The following CTNNA2 variants were observed in gnomAD, a reference collection of about 807,000 sequenced individuals.
CTNNA2 encodes catenin alpha-2.
In CTNNA2, 42 loss-of-function variants were observed where a neutral mutation model predicts 101.0. That is an observed-to-expected ratio of 0.42 (90% CI 0.32 to 0.54). The LOEUF (loss-of-function observed/expected upper bound fraction) is 0.54. CTNNA2 is among the 20% of genes least tolerant of loss of function. The pLI is 0.14. For missense variants in CTNNA2, 871 were observed against 1,223.1 expected (o/e 0.71, Z 4.29); for synonymous variants, 450 against 456.4 (o/e 0.99, Z 0.18).
At chr2:80,628,209 A>G (rs1158386794) in intron 18 of CTNNA2, among the ~76,000 whole-genome samples, 6 of 152,220 alleles carry the variant, frequency 3.9e-5, no homozygotes, top group East Asian at 3.9e-4. Context: ...TGTAGATTCA[A>G]TGCTATCCCC....
chr2:79,554,230 CT>C (rs553473903), intron 1 of CTNNA2, among the ~76,000 whole-genome samples: 32 of 151,808 alleles, frequency 2.1e-4, no homozygotes, highest in Non-Finnish European at 3.8e-4. Context: ...AAACACAAAT[CT>C]GTATTTGAAA....
At chr2:80,503,180 A>T (rs1209467170) in intron 9 of CTNNA2, among the ~76,000 whole-genome samples, 1 of 152,188 alleles carries the variant, frequency 6.6e-6, no homozygotes, top group Non-Finnish European at 1.5e-5. Context: ...TCAAAAAAAA[A>T]ACCATAAATA....
chr2:80,320,873 T>G (rs747775000), intron 7 of CTNNA2, among the ~76,000 whole-genome samples: 2 of 152,218 alleles, frequency 1.3e-5, no homozygotes, highest in African/African-American at 4.8e-5. Flanking sequence ...ATTTCTCAAT[T>G]TTTTTAAAGT....
intron 1 of CTNNA2, among the ~76,000 whole-genome samples, chr2:79,614,822 C>T (rs1177686592): frequency 1.3e-5 from 2 of 152,068 alleles, no homozygotes; most frequent in African/African-American, 4.8e-5. Context: ...TGATTATTAC[C>T]AGTTTAGAAA....
At chr2:80,527,473 A>G (rs190041238) in intron 9 of CTNNA2, among the ~76,000 whole-genome samples, 95 of 152,276 alleles carry the variant, frequency 6.2e-4, no homozygotes, top group Non-Finnish European at 1.3e-3. Context: ...TTCCCAGGTG[A>G]TGCTGATGCT....
chr2:79,828,021 T>A (rs1490015506), intron 3 of CTNNA2, among the ~76,000 whole-genome samples: 1 of 152,236 alleles, frequency 6.6e-6, no homozygotes, highest in African/African-American at 2.4e-5. Context: ...TCTTTGTTGA[T>A]CTTTTCCTTA....
chr2:79,934,907 G>A (rs754768691), intron 7 of CTNNA2, among the ~76,000 whole-genome samples: 2 of 152,214 alleles, frequency 1.3e-5, no homozygotes, highest in Non-Finnish European at 2.9e-5. Context: ...GTTTGAATGA[G>A]TTTGCTAAGA....
chr2:79,584,621 T>G (rs1304497256), intron 1 of CTNNA2, among the ~76,000 whole-genome samples: 1 of 151,744 alleles, frequency 6.6e-6, no homozygotes, highest in African/African-American at 2.4e-5. Flanking sequence ...GCCTCCTAGG[T>G]TCAAGAGATT....
At chr2:79,411,956 G>A (rs992814726) in intron 4 of CTNNA2, among the ~76,000 whole-genome samples, 3 of 151,998 alleles carry the variant, frequency 2.0e-5, no homozygotes, top group Non-Finnish European at 4.4e-5. Context: ...CTGGCAAATT[G>A]GATAAAGAGT....
intron 14 of CTNNA2, among the ~76,000 whole-genome samples, chr2:80,587,698 G>A (rs1255746195): frequency 6.6e-6 from 1 of 152,150 alleles, no homozygotes; most frequent in Non-Finnish European, 1.5e-5. Context: ...TTATAATTTA[G>A]GAAGCATTTT....
chr2:80,233,204 C>T (rs1709356319), intron 7 of CTNNA2, among the ~76,000 whole-genome samples: 1 of 151,990 alleles, frequency 6.6e-6, no homozygotes, highest in South Asian at 2.1e-4. Flanking sequence ...TTATTGAGGA[C>T]TCTGGCCTTG....
intron 7 of CTNNA2, among the ~76,000 whole-genome samples, chr2:80,387,982 C>T (rs1677169277): frequency 5.3e-5 from 8 of 152,140 alleles, no homozygotes; most frequent in Admixed American, 4.6e-4. Flanking sequence ...CACACTCATT[C>T]TCTGCAGGTA....
At chr2:80,047,412 A>G (rs149777098) in intron 7 of CTNNA2, among the ~76,000 whole-genome samples, 4 of 152,132 alleles carry the variant, frequency 2.6e-5, no homozygotes, top group African/African-American at 9.7e-5. Context: ...TGTAGGCAAA[A>G]CTCTGCTAAC....
At chr2:79,319,581 G>T (rs1049266758) in intron 3 of CTNNA2, 9 of 151,552 alleles carry the variant, frequency 5.9e-5, no homozygotes, top group Admixed American at 2.0e-4. Context: ...AGCAGTGACT[G>T]AGCTGCCTTT....
chr2:80,458,910 T>C (rs1553524209), intron 9 of CTNNA2, among the ~76,000 whole-genome samples: 1 of 152,192 alleles, frequency 6.6e-6, no homozygotes, highest in Non-Finnish European at 1.5e-5. Flanking sequence ...TACACAATTG[T>C]GGTCCCATAA....
At chr2:79,557,938 G>T (rs1163578289) in intron 1 of CTNNA2, among the ~76,000 whole-genome samples, 1 of 151,888 alleles carries the variant, frequency 6.6e-6, no homozygotes, top group Non-Finnish European at 1.5e-5. Flanking sequence ...GTGACAGTTG[G>T]GCTTGATGTT....
intron 4 of CTNNA2, among the ~76,000 whole-genome samples, chr2:79,459,131 A>T (rs190211638): frequency 6.6e-6 from 1 of 152,282 alleles, no homozygotes; most frequent in Admixed American, 6.5e-5. Flanking sequence ...ATTCTAAGCA[A>T]CATAGAGAAG....
chr2:79,195,748 T>A (rs1434888411), intron 1 of CTNNA2: 1 of 472,210 alleles, frequency 2.1e-6, no homozygotes, highest in Non-Finnish European at 4.2e-6. Context: ...ATGTGTCATA[T>A]CATCTGAAAA....
chr2:80,228,212 G>A (rs73938245), intron 7 of CTNNA2, among the ~76,000 whole-genome samples: 2,288 of 152,246 alleles, frequency 0.015, 55 homozygotes, highest in African/African-American at 0.051. Flanking sequence ...TTGACCAGGC[G>A]ATTTATAAAC....
Sources: allele counts gnomAD v4.1 joint callset (sites outside exome capture counted in the v4.1 genomes callset), GRCh38; gene constraint gnomAD v4.1.1; transcripts MANE v1.5; gene names NCBI Gene and HGNC (gene_info 2026-07-23, HGNC 2026-07-21).